AUTS2: variants seen among roughly 807,000 people sequenced by gnomAD.
The protein encoded by AUTS2 is autism susceptibility gene 2 protein.
A neutral mutation model predicts 112.4 loss-of-function variants in AUTS2; 17 were observed. The ratio of observed to expected loss-of-function variants is 0.15; its 90% confidence interval spans 0.10 to 0.23. AUTS2 has a LOEUF of 0.23. AUTS2 is among the 10% of genes least tolerant of loss of function. The pLI, the probability that AUTS2 is intolerant of heterozygous loss-of-function variation, is 1.00. For synonymous variants in AUTS2, 751 were observed against 702.7 expected, an observed-to-expected ratio of 1.07 and a Z score of -1.09; for missense variants, 1,510 against 1,701.6, an observed-to-expected ratio of 0.89 and a Z score of 1.98.
chr7:70,539,023 C>T (rs139830771), intron 5 of AUTS2, among the ~76,000 whole-genome samples: 3 of 152,240 alleles, frequency 2.0e-5, no homozygotes, highest in East Asian at 1.9e-4. Flanking sequence ...CCTCTGGTAA[C>T]GTAGCAGACC....
At chr7:70,619,308 GGGCGCGGGAGGATGCTGT>G (rs1804545745) in intron 5 of AUTS2, among the ~76,000 whole-genome samples, 1 of 152,198 alleles carries the variant, frequency 6.6e-6, no homozygotes, top group South Asian at 2.1e-4. Flanking sequence ...AAGGCAGACG[GGGCGCGGGAGGATGCTGT>G]GGACTTTAAC....
At chr7:69,842,154 A>AT (rs1792009061) in intron 1 of AUTS2, among the ~76,000 whole-genome samples, 1 of 152,162 alleles carries the variant, frequency 6.6e-6, no homozygotes, top group Non-Finnish European at 1.5e-5. Context: ...CTTATCTAGA[A>AT]TTTTTTATCA....
intron 2 of AUTS2, among the ~76,000 whole-genome samples, chr7:69,920,973 A>G (rs1176521912): frequency 6.6e-6 from 1 of 152,176 alleles, no homozygotes; most frequent in Admixed American, 6.5e-5. Context: ...ATTTTTCACT[A>G]ATCTCCCTCG....
intron 4 of AUTS2, among the ~76,000 whole-genome samples, chr7:70,338,496 C>G (rs1002615615): frequency 1.3e-5 from 2 of 152,130 alleles, no homozygotes; most frequent in African/African-American, 2.4e-5. Flanking sequence ...GTGAAAAGAT[C>G]GCCTACATTG....
intron 4 of AUTS2, among the ~76,000 whole-genome samples, chr7:70,310,037 G>C (rs1476720493): frequency 1.3e-5 from 2 of 152,142 alleles, no homozygotes; most frequent in African/African-American, 4.8e-5. Context: ...CTATAGTAGA[G>C]TGAGTAGAAG....
chr7:70,665,850 C>G (rs190720309), intron 5 of AUTS2, among the ~76,000 whole-genome samples: 1 of 152,320 alleles, frequency 6.6e-6, no homozygotes, highest in Admixed American at 6.5e-5. Context: ...TTACTATACT[C>G]AAGTGTCCTG....
At position 70,790,577 on chromosome 7, in the gene AUTS2, C is replaced by G. The variant is rs1791861815; in HGVS notation, c.3361C>G (p.Pro1121Ala). 1 of 1,602,708 alleles carries G rather than the reference C, an allele frequency of 6.2e-7. No homozygotes were observed. The highest frequency in any genetic ancestry group is 8.5e-7 in the Non-Finnish European group (1 of 1,175,364). ...CGACCGCTCCTTCAGGGACCGGGAG[C>G]CTCACGACTACAGCCACCACCACCA... ...EADRSFRDRE[P>A]HDYSHHHHHH... is the part of the protein sequence containing the mutation. Residue 1121 changes from proline to alanine, a missense_variant, in exon 19 of 19, where the codon CCT becomes GCT. Pro to Ala is a conservative substitution (Grantham distance 27, BLOSUM62 -1). Transcript: ENST00000342771. This position sits in a 1 kb window ranked among gnomAD's most constrained non-coding sequence, Gnocchi z 7.6.
rs192442945 is a variant in AUTS2 at position 70,664,329 on chromosome 7, C to T, written c.691-34240C>T. Among the ~76,000 whole-genome samples the T allele has an allele frequency of 2.7e-3, 406 of 152,214 alleles. 6 individuals carry two copies. The highest frequency in any genetic ancestry group is 5.4e-4 in the Non-Finnish European group (37 of 68,014). On this transcript the variant is annotated intron_variant, in intron 5 of 18. Transcript: ENST00000342771. ...AACGTATATTTAAGGTGGCCACTTG[C>T]CCCTGGGGTAAATGGCAGCTGTTGG...
At chr7:70,172,770 T>G (rs1808771141) in intron 4 of AUTS2, among the ~76,000 whole-genome samples, 1 of 152,212 alleles carries the variant, frequency 6.6e-6, no homozygotes, top group Non-Finnish European at 1.5e-5. Flanking sequence ...GCCTTCATTA[T>G]TATTATGTCT....
intron 1 of AUTS2, among the ~76,000 whole-genome samples, chr7:69,792,839 G>T (rs971275156): frequency 6.6e-6 from 1 of 152,108 alleles, no homozygotes; most frequent in Non-Finnish European, 1.5e-5. Context: ...TTAGGTAGGG[G>T]TGGGAGAGGT....
At chr7:70,492,433 G>A (rs977018998) in intron 5 of AUTS2, among the ~76,000 whole-genome samples, 1 of 152,126 alleles carries the variant, frequency 6.6e-6, no homozygotes, top group Non-Finnish European at 1.5e-5. Context: ...CTCAGGTGGG[G>A]AATTTAATTT....
At chr7:69,904,053 T>C (rs559947359) in intron 2 of AUTS2, among the ~76,000 whole-genome samples, 1 of 152,298 alleles carries the variant, frequency 6.6e-6, no homozygotes, top group South Asian at 2.1e-4. Flanking sequence ...TTAGAGTGAT[T>C]ACTAGAACTC....
intron 5 of AUTS2, among the ~76,000 whole-genome samples, chr7:70,489,054 G>A (rs1374430569): frequency 6.6e-6 from 1 of 152,192 alleles, no homozygotes; most frequent in Admixed American, 6.5e-5. Flanking sequence ...GATTATGTGA[G>A]TGATTGATCC....
intron 18 of AUTS2, among the ~76,000 whole-genome samples, chr7:70,789,198 C>G (rs1023267081): frequency 2.6e-5 from 4 of 152,194 alleles, no homozygotes; most frequent in Non-Finnish European, 4.4e-5. Flanking sequence ...GGAGATGGCT[C>G]TGTATCCACG....
At position 70,138,479 on chromosome 7, in the gene AUTS2, T is replaced by C. The variant is rs181374660; in HGVS notation, c.660+3908T>C. On this transcript the variant is annotated intron_variant, in intron 4 of 18. Coordinates refer to ENST00000342771, the MANE Select transcript of AUTS2 (RefSeq NM_015570.4). The stretch of plus-strand genomic sequence containing the variant: ...CAGCCTTACTTTTTTCCAAGTGACA[T>C]GTTCTGCCTTCTCTGGATAATTTTC... Among the ~76,000 whole-genome samples, 13 of 152,342 alleles carry C rather than the reference T, an allele frequency of 8.5e-5. No individual in the cohort carries two copies. The East Asian group carries it at 2.5e-3, about 29-fold the overall frequency.
At chr7:69,842,560 C>T (rs568391463) in intron 1 of AUTS2, among the ~76,000 whole-genome samples, 2 of 152,102 alleles carry the variant, frequency 1.3e-5, no homozygotes, top group African/African-American at 2.4e-5. Context: ...ATTCTTTGCC[C>T]CTCTTTGTGT....
At chr7:69,632,486 G>T (rs769444670) in intron 1 of AUTS2, among the ~76,000 whole-genome samples, 1 of 151,784 alleles carries the variant, frequency 6.6e-6, no homozygotes, top group East Asian at 1.9e-4. Context: ...TTAGGCTGAC[G>T]TGCTCTCCTT....
chr7:70,212,367 T>G (rs769512186), intron 4 of AUTS2, among the ~76,000 whole-genome samples: 25 of 152,192 alleles, frequency 1.6e-4, no homozygotes, highest in Non-Finnish European at 3.2e-4. Context: ...CACCAGCTCA[T>G]AGTTGGGACT....
At chr7:70,377,489 G>A (rs1439159672) in intron 4 of AUTS2, among the ~76,000 whole-genome samples, 1 of 148,192 alleles carries the variant, frequency 6.7e-6, no homozygotes, top group African/African-American at 2.5e-5. Flanking sequence ...CCATAAAATG[G>A]CTTACCATTT....
Sources: allele counts gnomAD v4.1 joint callset (sites outside exome capture counted in the v4.1 genomes callset), GRCh38; gene constraint gnomAD v4.1.1; non-coding constraint Gnocchi (gnomAD v3.1); transcripts MANE v1.5; gene names NCBI Gene and HGNC (gene_info 2026-07-23, HGNC 2026-07-21).